Variants in PTPRD observed in about 807,000 individuals in gnomAD.
PTPRD encodes the protein protein tyrosine phosphatase receptor type D.
A neutral mutation model predicts 214.5 loss-of-function variants in PTPRD; 34 were observed. The ratio of observed to expected loss-of-function variants is 0.16; its 90% confidence interval spans 0.12 to 0.21. The LOEUF is 0.21. Ranked by LOEUF, PTPRD falls within the 10% of genes least tolerant of loss-of-function variation. The probability of loss-of-function intolerance (pLI) is 1.00; values close to 1 mark genes in which losing one functional copy is unlikely to be tolerated. For synonymous variants in PTPRD, 1,128 were observed against 845.7 expected (o/e 1.33, Z -5.79); for missense variants, 2,545 against 2,398.7 (o/e 1.06, Z -1.27).
At chr9:8,771,221 T>A (rs1005359772) in intron 11 of PTPRD, among the ~76,000 whole-genome samples, 1 of 151,464 alleles carries the variant, frequency 6.6e-6, no homozygotes, top group African/African-American at 2.4e-5. Flanking sequence ...TTATTAAAAA[T>A]TTAAAATTCT....
intron 37 of PTPRD, among the ~76,000 whole-genome samples, chr9:8,378,634 C>T (rs2083975973): frequency 6.6e-6 from 1 of 151,954 alleles, no homozygotes; most frequent in South Asian, 2.1e-4. Flanking sequence ...GCAACCCTTT[C>T]GGTTTAAAAT....
At chr9:8,450,183 A>G (rs1474667889) in intron 33 of PTPRD, among the ~76,000 whole-genome samples, 1 of 152,206 alleles carries the variant, frequency 6.6e-6, no homozygotes, top group Non-Finnish European at 1.5e-5. Context: ...TGTGAGGAAC[A>G]GGATAGGATA....
intron 2 of PTPRD, among the ~76,000 whole-genome samples, chr9:10,439,292 C>T (rs957334070): frequency 6.6e-6 from 1 of 151,810 alleles, no homozygotes; most frequent in African/African-American, 2.4e-5. Context: ...ATGCCCCAAG[C>T]ATTGTCACTA....
chr9:8,403,181 G>T (rs903134552), intron 36 of PTPRD, among the ~76,000 whole-genome samples: 1 of 152,100 alleles, frequency 6.6e-6, no homozygotes, highest in Non-Finnish European at 1.5e-5. Flanking sequence ...TAGGAGATGT[G>T]GTCAGAGTTA....
rs868623529 is a variant in PTPRD, at chr9:9,432,064, T to A, written c.-236-34582A>T. On this transcript the variant is annotated intron_variant, in intron 8 of 45. Coordinates refer to ENST00000381196, the MANE Select transcript of PTPRD (RefSeq NM_002839.4). ...ACTTAAAGTATAATAATAATAATAA[T>A]AATAATAATAATAATAATAATAATA... is the stretch of plus-strand genomic sequence containing the variant. Among the ~76,000 whole-genome samples the A allele has an allele frequency of 3.4e-4, 50 of 146,972 alleles. No individual in the cohort carries two copies. The South Asian group carries it at 0.011, about 31-fold the overall frequency.
chr9:10,447,179 C>G (rs2098806095), intron 2 of PTPRD, among the ~76,000 whole-genome samples: 1 of 150,408 alleles, frequency 6.6e-6, no homozygotes, highest in Admixed American at 6.6e-5. Context: ...TGATGTGCAG[C>G]AAGGTAGCTA....
At chr9:9,034,154 C>T (rs1569479327) in intron 10 of PTPRD, among the ~76,000 whole-genome samples, 1 of 152,136 alleles carries the variant, frequency 6.6e-6, no homozygotes, top group African/African-American at 2.4e-5. Context: ...TTGCACAGTG[C>T]ACCAGATTTG....
chr9:8,940,851 A>ATGT (rs1316189474), intron 11 of PTPRD, among the ~76,000 whole-genome samples: 1 of 144,914 alleles, frequency 6.9e-6, no homozygotes, highest in Non-Finnish European at 1.6e-5. Flanking sequence ...GATGATGATG[A>ATGT]TGATGATGTT....
At position 9,874,998 on chromosome 9, in the gene PTPRD, C is replaced by T. The variant is rs1390507715; in HGVS notation, c.-368+63509G>A. Among the ~76,000 whole-genome samples the T allele has an allele frequency of 2.0e-5, 3 of 152,150 alleles. No homozygotes were observed. In the East Asian group the frequency reaches 5.8e-4, roughly 29 times the overall value. ...ATCATTTGAATAAAGAGCACAATCA[C>T]TTGTTTCCTGCTACAAAGGATTCTG... On this transcript the variant is annotated intron_variant, in intron 5 of 45. Coordinates refer to ENST00000381196, the MANE Select transcript of PTPRD (RefSeq NM_002839.4).
intron 43 of PTPRD, among the ~76,000 whole-genome samples, chr9:8,337,052 G>C (rs1434618899): frequency 5.3e-5 from 8 of 152,122 alleles, no homozygotes; most frequent in Non-Finnish European, 7.4e-5. Flanking sequence ...ATTCCTCAAG[G>C]ATCTAGAACC....
intron 9 of PTPRD, among the ~76,000 whole-genome samples, chr9:9,324,296 A>T (rs1968522393): frequency 6.6e-6 from 1 of 152,202 alleles, no homozygotes; most frequent in Non-Finnish European, 1.5e-5. Context: ...ACTAGTTTAC[A>T]TTCCCACCAA....
chr9:9,845,040 ATATAGC>A (rs2059166820), intron 5 of PTPRD, among the ~76,000 whole-genome samples: 1 of 142,184 alleles, frequency 7.0e-6, no homozygotes, highest in Non-Finnish European at 1.5e-5. Context: ...TGCTATATAT[ATATAGC>A]TATATATAGA....
chr9:9,060,446 A>C (rs2099704979), intron 10 of PTPRD, among the ~76,000 whole-genome samples: 1 of 152,188 alleles, frequency 6.6e-6, no homozygotes, highest in African/African-American at 2.4e-5. Flanking sequence ...ACAGAAGAAA[A>C]ATTTCTGCAA....
chr9:10,049,415 G>T (rs397832195), intron 3 of PTPRD, among the ~76,000 whole-genome samples: 1 of 54,832 alleles, frequency 1.8e-5, no homozygotes, highest in Admixed American at 2.1e-4. Flanking sequence ...AAAAAAGAAA[G>T]AAAGAAAGAA....
intron 9 of PTPRD, among the ~76,000 whole-genome samples, chr9:9,277,452 A>G (rs1946093085): frequency 6.6e-6 from 1 of 151,422 alleles, no homozygotes; most frequent in Admixed American, 6.6e-5. Flanking sequence ...TAAAATACAC[A>G]TATTTCTGAA....
chr9:9,825,382 C>CAG (rs750262037), intron 5 of PTPRD, among the ~76,000 whole-genome samples: 11 of 143,078 alleles, frequency 7.7e-5, no homozygotes, highest in East Asian at 2.0e-4. Context: ...CACAGAGAGA[C>CAG]AGAGAGAGAG....
intron 9 of PTPRD, among the ~76,000 whole-genome samples, chr9:9,290,120 G>T (rs1488205900): frequency 6.6e-6 from 1 of 151,488 alleles, no homozygotes; most frequent in African/African-American, 2.4e-5. Flanking sequence ...ACCAACACTT[G>T]TTACCTCTTG....
chr9:9,013,215 A>G (rs953557626), intron 11 of PTPRD, among the ~76,000 whole-genome samples: 1 of 152,062 alleles, frequency 6.6e-6, no homozygotes, highest in Non-Finnish European at 1.5e-5. Flanking sequence ...GAATGACTGA[A>G]CTCCGATGAA....
chr9:9,391,690 T>C (rs2065892821), intron 9 of PTPRD, among the ~76,000 whole-genome samples: 1 of 152,202 alleles, frequency 6.6e-6, no homozygotes, highest in Non-Finnish European at 1.5e-5. Flanking sequence ...CTCTTCCATT[T>C]ATAGTAATAT....
Sources: gnomAD v4.1 joint callset for allele counts (sites outside exome capture counted in the v4.1 genomes callset) on GRCh38, gnomAD v4.1.1 for gene constraint, MANE v1.5 for transcripts, NCBI Gene and HGNC (gene_info 2026-07-23, HGNC 2026-07-21) for gene names.